The following SREBF2 variants were observed in gnomAD, a reference collection of about 807,000 sequenced individuals.
SREBF2 encodes sterol regulatory element binding transcription factor 2.
A neutral mutation model predicts 113.1 loss-of-function variants in SREBF2; 55 were observed. That is an observed-to-expected ratio of 0.49 (90% CI 0.39 to 0.61). SREBF2 has a LOEUF of 0.61. Ranked by LOEUF, SREBF2 falls within the 20% of genes least tolerant of loss-of-function variation. SREBF2 has a pLI of 0.00. For synonymous variants in SREBF2, 593 were observed against 605.7 expected (o/e 0.98, Z 0.31); for missense variants, 1,349 against 1,487.4 (o/e 0.91, Z 1.53).
chr22:41,887,361 T>C (rs1430910716), intron 11 of SREBF2, among the ~76,000 whole-genome samples: 1 of 152,210 alleles, frequency 6.6e-6, no homozygotes, highest in Middle Eastern at 3.2e-3. Flanking sequence ...GAAACTTCTC[T>C]TGGGCCCTTT....
chr22:41,878,185 G>A (rs1044421571), intron 9 of SREBF2, 62 bp downstream of exon 9: 79 of 1,600,616 alleles, frequency 4.9e-5, no homozygotes, highest in African/African-American at 2.5e-4. Flanking sequence ...TCAGCAACTC[G>A]TGTCAAAGAA....
chr22:41,885,479 C>T (rs1259391007), intron 11 of SREBF2: 1 of 205,730 alleles, frequency 4.9e-6, no homozygotes, highest in African/African-American at 2.3e-5. Context: ...TGCCAAGCTA[C>T]AGAGTTAAAG....
At chr22:41,859,053 GT>G (rs2077001902) in intron 1 of SREBF2, among the ~76,000 whole-genome samples, 1 of 151,002 alleles carries the variant, frequency 6.6e-6, no homozygotes, top group African/African-American at 2.4e-5. Flanking sequence ...AACCCAGGAG[GT>G]GGAGGTTGCA....
Position 41,875,514 on chromosome 22 carries a change from A to G in SREBF2, c.1205-29A>G, listed in dbSNP as rs370857111. 1.8e-5 allele frequency: 29 copies of G among 1,614,196 alleles called. No individual in the cohort carries two copies. In the African/African-American group the frequency reaches 3.3e-4, roughly 19 times the overall value. The stretch of plus-strand genomic sequence containing the variant: ...AGGTGGGGCTTTGTAAAAGCAGATC[A>G]TTTTCACCAGGTGGGGTTTTCTTTG... On this transcript the variant is annotated intron_variant, in intron 6 of 18. Transcript: ENST00000361204.
chr22:41,898,541 C>T, intron 14 of SREBF2, 108 bp from the exon 15 acceptor site: 1 of 1,482,828 alleles, frequency 6.7e-7, no homozygotes, highest in Non-Finnish European at 9.3e-7. Flanking sequence ...CCGTTCCCAG[C>T]AGGCAAAGAT....
chr22:41,841,316 T>C (rs2076828789), intron 1 of SREBF2, among the ~76,000 whole-genome samples: 1 of 152,268 alleles, frequency 6.6e-6, no homozygotes, highest in Non-Finnish European at 1.5e-5. Flanking sequence ...CACTGGAGTA[T>C]ATATGAGGGT....
chr22:41,858,457 C>T (rs1263481127), intron 1 of SREBF2, among the ~76,000 whole-genome samples: 1 of 152,096 alleles, frequency 6.6e-6, no homozygotes, highest in Non-Finnish European at 1.5e-5. Context: ...CGAAATCATG[C>T]AGTAAAAAAC....
intron 1 of SREBF2, among the ~76,000 whole-genome samples, chr22:41,849,442 G>T (rs1391581654): frequency 6.6e-6 from 1 of 151,968 alleles, no homozygotes; most frequent in African/African-American, 2.4e-5. Context: ...TGATCCTCCC[G>T]CCTTAGCCTC....
At chr22:41,870,220 G>A (rs1451105419) in intron 3 of SREBF2, among the ~76,000 whole-genome samples, 2 of 152,144 alleles carry the variant, frequency 1.3e-5, no homozygotes, top group Non-Finnish European at 2.9e-5. Flanking sequence ...TCAGCCATGT[G>A]TCTGGCTTTC....
intron 1 of SREBF2, among the ~76,000 whole-genome samples, chr22:41,846,213 T>C (rs1230436355): frequency 5.3e-5 from 8 of 152,232 alleles, no homozygotes; most frequent in African/African-American, 1.9e-4. Flanking sequence ...TCTATCTAGC[T>C]TGAACAGAAA....
At position 41,881,115 on chromosome 22, in the gene SREBF2, G is replaced by A. The variant is rs185724872; in HGVS notation, c.2038+123G>A. 196 of 1,306,926 alleles carry A rather than the reference G, an allele frequency of 1.5e-4. No individual in the cohort carries two copies. The East Asian group carries it at 4.1e-3, about 27-fold the overall frequency. 81.0% of individuals were successfully genotyped at this position (1,306,926 alleles called of 1,614,324 possible). ...CCCTTTAACGCTACTCTTTTAGAGT[G>A]GCTAGACCAAGCTTCTACCTGTTTT... On this transcript the variant is annotated intron_variant, in intron 10 of 18. Transcript: ENST00000361204.
chr22:41,892,555 G>A (rs998290738), intron 11 of SREBF2, among the ~76,000 whole-genome samples: 7 of 151,216 alleles, frequency 4.6e-5, no homozygotes, highest in Non-Finnish European at 8.8e-5. Flanking sequence ...GGCTGAGGCA[G>A]GAGAATGGCG....
At chr22:41,845,090 CA>C (rs2076864903) in intron 1 of SREBF2, among the ~76,000 whole-genome samples, 1 of 151,920 alleles carries the variant, frequency 6.6e-6, no homozygotes, top group Non-Finnish European at 1.5e-5. Flanking sequence ...GCCACTATGC[CA>C]GGCTAATTTT....
chr22:41,846,303 G>C (rs931764181), intron 1 of SREBF2, among the ~76,000 whole-genome samples: 4 of 152,210 alleles, frequency 2.6e-5, no homozygotes, highest in African/African-American at 9.6e-5. Context: ...GAACCAAGGA[G>C]GCTCCTGCTT....
chr22:41,879,420 G>A (rs1002415817), intron 9 of SREBF2, among the ~76,000 whole-genome samples: 10 of 152,200 alleles, frequency 6.6e-5, no homozygotes, highest in African/African-American at 2.4e-4. Context: ...CAGGGGCGGG[G>A]CCAGAGTGTT....
At chr22:41,898,919 G>A (rs957394136) in intron 15 of SREBF2, 138 bp downstream of exon 15, 21 of 1,267,220 alleles carry the variant, frequency 1.7e-5, no homozygotes, top group African/African-American at 5.9e-5. Flanking sequence ...TAGAAAAGTC[G>A]GGGGTGAGGG....
chr22:41,892,952 A>C (rs984250456), intron 11 of SREBF2, among the ~76,000 whole-genome samples, 165 bp from the exon 12 acceptor site: 1 of 152,162 alleles, frequency 6.6e-6, no homozygotes, highest in African/African-American at 2.4e-5. Flanking sequence ...CCTAGTTTCC[A>C]TGGTGGGCTT....
chr22:41,852,099 C>A (rs923106781), intron 1 of SREBF2, among the ~76,000 whole-genome samples: 3 of 151,328 alleles, frequency 2.0e-5, no homozygotes, highest in African/African-American at 7.3e-5. Context: ...CCAGCCTGGG[C>A]GATAGAGAGA....
chr22:41,889,346 C>T (rs571893458), intron 11 of SREBF2, among the ~76,000 whole-genome samples: 32 of 152,040 alleles, frequency 2.1e-4, no homozygotes, highest in Admixed American at 1.6e-3. Context: ...AGGCTGGTCT[C>T]GAACTCCTGG....
Sources: gnomAD v4.1 joint callset for allele counts (sites outside exome capture counted in the v4.1 genomes callset) on GRCh38, gnomAD v4.1.1 for gene constraint, MANE v1.5 for transcripts, NCBI Gene and HGNC (gene_info 2026-07-23, HGNC 2026-07-21) for gene names.